The following NAALADL2 variants were observed in gnomAD, a reference collection of about 807,000 sequenced individuals.
NAALADL2 encodes inactive N-acetylated-alpha-linked acidic dipeptidase-like protein 2.
A neutral mutation model predicts 87.2 loss-of-function variants in NAALADL2; 76 were observed. The observed-to-expected ratio is 0.87, with a 90% CI of 0.72 to 1.05. NAALADL2 has a LOEUF of 1.05. Among genes scored for constraint, NAALADL2 ranks in the 50% least tolerant of loss-of-function variants. The pLI, the probability that NAALADL2 is intolerant of heterozygous loss-of-function variation, is 0.00. For synonymous variants in NAALADL2, 354 were observed against 331.0 expected (o/e 1.07, Z -0.75); for missense variants, 1,089 against 945.8 (o/e 1.15, Z -1.99).
intron 3 of NAALADL2, among the ~76,000 whole-genome samples, chr3:174,839,358 G>T (rs565529749): frequency 8.5e-5 from 13 of 152,218 alleles, no homozygotes; most frequent in African/African-American, 3.1e-4. Flanking sequence ...ATGGATCAAG[G>T]ACTTAAACCT....
intron 2 of NAALADL2, among the ~76,000 whole-genome samples, chr3:174,657,801 T>C (rs181954009): frequency 6.6e-5 from 10 of 152,306 alleles, no homozygotes; most frequent in African/African-American, 2.2e-4. Flanking sequence ...CCTTTCCTTT[T>C]AACCCCTGGC....
intron 1 of NAALADL2, among the ~76,000 whole-genome samples, chr3:175,035,318 G>A (rs1753280937): frequency 6.6e-6 from 1 of 152,094 alleles, no homozygotes; most frequent in Non-Finnish European, 1.5e-5. Flanking sequence ...TGTGTCTGAG[G>A]GATAGAAGGA....
At chr3:175,122,657 T>A (rs115184218) in intron 2 of NAALADL2, among the ~76,000 whole-genome samples, 1 of 151,902 alleles carries the variant, frequency 6.6e-6, no homozygotes, top group Non-Finnish European at 1.5e-5. Context: ...TGGGGTTTGC[T>A]TGAAGCAGCT....
chr3:175,551,554 C>T (rs1031515967), intron 9 of NAALADL2, among the ~76,000 whole-genome samples: 7 of 151,996 alleles, frequency 4.6e-5, no homozygotes, highest in African/African-American at 1.4e-4. Context: ...AAGTGTCATC[C>T]CTCTCAAAGT....
At chr3:174,704,246 G>C (rs995786493) in intron 2 of NAALADL2, among the ~76,000 whole-genome samples, 13 of 152,180 alleles carry the variant, frequency 8.5e-5, no homozygotes, top group African/African-American at 3.1e-4. Flanking sequence ...ACAAACTACA[G>C]AAAGAAATAA....
At position 174,479,205 on chromosome 3, in the gene NAALADL2, G is replaced by A. The variant is rs759737691; in HGVS notation, c.-184+38173G>A. Among the ~76,000 whole-genome samples, 5 of 152,140 alleles carry A rather than the reference G, an allele frequency of 3.3e-5. 1 individual carries two copies. The highest frequency in any genetic ancestry group is 5.9e-5 in the Non-Finnish European group (4 of 68,022). On this transcript the variant is annotated intron_variant, in intron 1 of 3. Coordinates refer to the NAALADL2 transcript ENST00000434257. The stretch of plus-strand genomic sequence containing the variant: ...GATAGAAGTATTGAGATAGTACAAA[G>A]TTGACTAAGATTTAATCGAAGTTTA...
At chr3:174,595,182 T>G (rs748572248) in intron 2 of NAALADL2, among the ~76,000 whole-genome samples, 1 of 152,132 alleles carries the variant, frequency 6.6e-6, no homozygotes, top group African/African-American at 2.4e-5. Flanking sequence ...TCTCATGAGC[T>G]GGAGGGTGCC....
intron 10 of NAALADL2, among the ~76,000 whole-genome samples, chr3:175,594,083 T>G (rs553535788): frequency 6.6e-6 from 1 of 152,132 alleles, no homozygotes; most frequent in African/African-American, 2.4e-5. Context: ...AGGGTACAGA[T>G]CCTGTCACCC....
At chr3:174,927,898 C>CA (rs1476185335) in intron 1 of NAALADL2, among the ~76,000 whole-genome samples, 3 of 152,184 alleles carry the variant, frequency 2.0e-5, no homozygotes, top group African/African-American at 7.2e-5. Flanking sequence ...AAAAACCCTT[C>CA]AAAAAATCAA....
intron 5 of NAALADL2, among the ~76,000 whole-genome samples, chr3:175,419,432 CA>C (rs1305293552): frequency 6.6e-6 from 1 of 151,646 alleles, no homozygotes; most frequent in Non-Finnish European, 1.5e-5. Flanking sequence ...ATTATAAGCA[CA>C]AAAGCCTATA....
chr3:174,603,714 A>G (rs1718688088), intron 2 of NAALADL2, among the ~76,000 whole-genome samples: 1 of 151,988 alleles, frequency 6.6e-6, no homozygotes, highest in African/African-American at 2.4e-5. Context: ...AGGCACTTAT[A>G]GCTATAAACA....
intron 2 of NAALADL2, among the ~76,000 whole-genome samples, chr3:175,125,739 C>A (rs1370738655): frequency 6.6e-6 from 1 of 152,000 alleles, no homozygotes; most frequent in African/African-American, 2.4e-5. Flanking sequence ...ACTAGACATC[C>A]AAGAACATAT....
chr3:175,570,668 CAGG>C, intron 9 of NAALADL2, among the ~76,000 whole-genome samples: 1 of 152,026 alleles, frequency 6.6e-6, no homozygotes, highest in East Asian at 1.9e-4. Flanking sequence ...ATCACGAGGT[CAGG>C]AGATCGAGAC....
At chr3:175,271,567 G>A (rs1241824760) in intron 4 of NAALADL2, among the ~76,000 whole-genome samples, 1 of 152,032 alleles carries the variant, frequency 6.6e-6, no homozygotes, top group East Asian at 1.9e-4. Flanking sequence ...CGAGGTGGGT[G>A]GATCACCTGA....
At chr3:175,774,874 C>A (rs1340612218) in intron 13 of NAALADL2, 1 of 151,800 alleles carries the variant, frequency 6.6e-6, no homozygotes, top group Non-Finnish European at 1.5e-5. Flanking sequence ...AATAAAATGA[C>A]TTCATTGATT....
chr3:175,178,340 G>A (rs1170404663), intron 2 of NAALADL2, among the ~76,000 whole-genome samples: 1 of 151,966 alleles, frequency 6.6e-6, no homozygotes, highest in East Asian at 1.9e-4. Flanking sequence ...TTTATCCCAA[G>A]TATACATTTT....
At chr3:175,187,634 G>GA (rs1455403605) in intron 2 of NAALADL2, among the ~76,000 whole-genome samples, 1 of 152,028 alleles carries the variant, frequency 6.6e-6, no homozygotes, top group Non-Finnish European at 1.5e-5. Flanking sequence ...TTCTTCATTT[G>GA]AAGACACATC....
chr3:175,718,880 ACACCAC>A (rs923139813), intron 11 of NAALADL2, among the ~76,000 whole-genome samples: 1 of 152,016 alleles, frequency 6.6e-6, no homozygotes, highest in Non-Finnish European at 1.5e-5. Flanking sequence ...AAAACAAAAA[ACACCAC>A]CACCACCAAC....
intron 3 of NAALADL2, among the ~76,000 whole-genome samples, chr3:174,823,796 C>T (rs905186047): frequency 6.6e-6 from 1 of 151,890 alleles, no homozygotes; most frequent in South Asian, 2.1e-4. Context: ...CCACAACCTC[C>T]GCCTCCCGGG....
Sources: gnomAD v4.1 joint callset for allele counts (sites outside exome capture counted in the v4.1 genomes callset) on GRCh38, gnomAD v4.1.1 for gene constraint, MANE v1.5 for transcripts, NCBI Gene and HGNC (gene_info 2026-07-23, HGNC 2026-07-21) for gene names.